The following SGCD variants were observed in gnomAD, a reference collection of about 807,000 sequenced individuals.
SGCD encodes delta-sarcoglycan.
SGCD carries 18 observed loss-of-function variants against 36.6 expected under a neutral mutation model. That is an observed-to-expected ratio of 0.49 (90% CI 0.34 to 0.73). The LOEUF is 0.73. SGCD is among the 30% of genes least tolerant of loss of function. The pLI is 0.01. For missense variants in SGCD, 387 were observed against 346.7 expected, an observed-to-expected ratio of 1.12 and a Z score of -0.92; for synonymous variants, 133 against 130.6, an observed-to-expected ratio of 1.02 and a Z score of -0.12.
chr5:156,697,476 A>G (rs975701067), intron 7 of SGCD, among the ~76,000 whole-genome samples: 1 of 152,080 alleles, frequency 6.6e-6, no homozygotes, highest in African/African-American at 2.4e-5. Flanking sequence ...AATCTCATAC[A>G]TTTGTGCTTA....
At chr5:155,859,381 T>C in the SGCD span, among the ~76,000 whole-genome samples, 1 of 152,164 alleles carries the variant, frequency 6.6e-6, no homozygotes, top group Non-Finnish European at 1.5e-5. Context: ...TCAGGCTTTC[T>C]TGAGGTATGA....
intron 3 of SGCD, among the ~76,000 whole-genome samples, chr5:156,395,184 A>G (rs1322952704): frequency 6.6e-6 from 1 of 152,232 alleles, no homozygotes; most frequent in Non-Finnish European, 1.5e-5. Context: ...CAGAGACTCA[A>G]AGGCAGGCAG....
At chr5:156,131,701 A>G (rs955795208) in intron 3 of SGCD, among the ~76,000 whole-genome samples, 1 of 152,216 alleles carries the variant, frequency 6.6e-6, no homozygotes, top group Non-Finnish European at 1.5e-5. Flanking sequence ...ACAGAAAAAA[A>G]AGGCATTTAA....
chr5:156,676,332 A>C (rs977972704), intron 7 of SGCD, among the ~76,000 whole-genome samples: 1 of 152,144 alleles, frequency 6.6e-6, no homozygotes, highest in African/African-American at 2.4e-5. Context: ...TATAAGATAA[A>C]GTGACTGCTG....
At chr5:156,387,407 G>A (rs1433305943) in intron 3 of SGCD, among the ~76,000 whole-genome samples, 1 of 152,144 alleles carries the variant, frequency 6.6e-6, no homozygotes. Context: ...TGGGAGGGGG[G>A]TGCCTCAGGG....
rs76287996 is a variant in SGCD at position 156,176,792 on chromosome 5, A to C, written c.-44+52773A>C. Among the ~76,000 whole-genome samples, 331 of 152,276 alleles carry C rather than the reference A, an allele frequency of 2.2e-3. 4 individuals are homozygous for C. The highest frequency in any genetic ancestry group is 3.4e-3 in the Middle Eastern group (1 of 294). On this transcript the variant is annotated intron_variant, in intron 3 of 9. Transcript: ENST00000517913. ...GTTTTTTGTAGTTTAAATATCTCTG[A>C]AAAATATTCTTTCTCTTCCAATGTC...
chr5:155,945,238 G>A (rs1581005267), intron 1 of SGCD, among the ~76,000 whole-genome samples: 1 of 152,174 alleles, frequency 6.6e-6, no homozygotes, highest in East Asian at 1.9e-4. Context: ...GCTTGGAGTA[G>A]ACATTCAGTA....
chr5:156,438,161 G>A (rs997535004), intron 3 of SGCD, among the ~76,000 whole-genome samples: 3 of 152,100 alleles, frequency 2.0e-5, no homozygotes, highest in Non-Finnish European at 4.4e-5. Flanking sequence ...AAGCATTTTT[G>A]GAAAACCATA....
intron 6 of SGCD, among the ~76,000 whole-genome samples, chr5:156,635,272 A>G (rs535795846): frequency 2.6e-5 from 4 of 152,290 alleles, no homozygotes; most frequent in African/African-American, 9.6e-5. Flanking sequence ...CAGCCAAAAG[A>G]CACATGAAAA....
At chr5:156,310,405 G>T (rs2127689990) in intron 3 of SGCD, among the ~76,000 whole-genome samples, 1 of 152,212 alleles carries the variant, frequency 6.6e-6, no homozygotes, top group East Asian at 1.9e-4. Flanking sequence ...TGGAAGACAG[G>T]CTCCTTTTTG....
intron 3 of SGCD, among the ~76,000 whole-genome samples, chr5:156,261,381 T>C (rs1765858607): frequency 1.3e-5 from 2 of 152,204 alleles, no homozygotes; most frequent in Non-Finnish European, 2.9e-5. Flanking sequence ...CACAAGGATG[T>C]TGTAGTCAAT....
At chr5:156,574,473 C>T (rs1039907972) in intron 4 of SGCD, among the ~76,000 whole-genome samples, 9 of 152,118 alleles carry the variant, frequency 5.9e-5, no homozygotes, top group African/African-American at 2.2e-4. Context: ...GCTAAAGAAA[C>T]TAAGGCTGTG....
Position 156,053,424 on chromosome 5 carries a change from G to A in SGCD, c.-281-64454G>A, listed in dbSNP as rs532967307. 1.7e-4 allele frequency among the ~76,000 whole-genome samples: 25 copies of A among 146,536 alleles called. 1 individual carries two copies. The highest frequency in any genetic ancestry group is 5.6e-4 in the African/African-American group (23 of 40,792). On this transcript the variant is annotated intron_variant, in intron 1 of 9. Coordinates refer to the SGCD transcript ENST00000517913. ...TGAGAATCCATCTAAAAGGTAGTGA[G>A]GGGGTGAGAGGCAGGACTACATGTG...
chr5:156,433,832 C>T (rs1753129376), intron 3 of SGCD, among the ~76,000 whole-genome samples: 1 of 152,138 alleles, frequency 6.6e-6, no homozygotes, highest in Admixed American at 6.5e-5. Flanking sequence ...TATGTAAGCC[C>T]CTTTCCCAAA....
At chr5:156,073,269 A>G (rs1304027951) in intron 1 of SGCD, among the ~76,000 whole-genome samples, 1 of 152,102 alleles carries the variant, frequency 6.6e-6, no homozygotes, top group Non-Finnish European at 1.5e-5. Context: ...CTATTATATC[A>G]TACTCTCTCA....
At chr5:155,759,972 C>T in the SGCD span, among the ~76,000 whole-genome samples, 5 of 152,170 alleles carry the variant, frequency 3.3e-5, no homozygotes, top group African/African-American at 4.8e-5. Context: ...TAGCTTATGT[C>T]AAAGCAACTT....
At chr5:155,815,055 G>A in the SGCD span, among the ~76,000 whole-genome samples, 8 of 151,978 alleles carry the variant, frequency 5.3e-5, 1 homozygote, top group East Asian at 9.7e-4. Flanking sequence ...GCTTCATTTA[G>A]TCTTAGTTTT....
intron 6 of SGCD, among the ~76,000 whole-genome samples, chr5:156,642,758 C>T (rs549476671): frequency 4.6e-5 from 7 of 152,092 alleles, no homozygotes; most frequent in South Asian, 2.1e-4. Flanking sequence ...TGAGCCACTG[C>T]GCCTGGCCCA....
rs559438354 is a variant in SGCD at position 156,705,834 on chromosome 5, A to G, written c.576-51747A>G. Among the ~76,000 whole-genome samples the G allele has an allele frequency of 2.0e-5, 3 of 152,258 alleles. No homozygotes were observed. In the South Asian group the frequency reaches 6.2e-4, roughly 32 times the overall value. The stretch of plus-strand genomic sequence containing the variant: ...TACTAATTTACTTCAGAGAACGCTA[A>G]TATTTGACTTTGTGTCTTGGCCAGT... On this transcript the variant is annotated intron_variant, in intron 7 of 8. Coordinates refer to ENST00000337851, the MANE Select transcript of SGCD (RefSeq NM_000337.6).
Sources: allele counts gnomAD v4.1 joint callset (sites outside exome capture counted in the v4.1 genomes callset), GRCh38; gene constraint gnomAD v4.1.1; transcripts MANE v1.5; gene names NCBI Gene and HGNC (gene_info 2026-07-23, HGNC 2026-07-21).